MME: variants seen among roughly 807,000 people sequenced by gnomAD.
MME encodes neprilysin.
A neutral mutation model predicts 113.2 loss-of-function variants in MME; 98 were observed. The observed-to-expected ratio is 0.87, with a 90% CI of 0.74 to 1.02. MME has a LOEUF of 1.02. MME is among the 50% of genes least tolerant of loss of function. MME has a pLI of 0.00. For synonymous variants in MME, 292 were observed against 300.6 expected (o/e 0.97, Z 0.30); for missense variants, 836 against 896.0 (o/e 0.93, Z 0.86).
At chr3:155,065,413 A>G (rs1239176293) in intron 1 of MME, among the ~76,000 whole-genome samples, 1 of 152,218 alleles carries the variant, frequency 6.6e-6, no homozygotes, top group Non-Finnish European at 1.5e-5. Flanking sequence ...AAATAAAATG[A>G]ATAAATTACC....
intron 14 of MME, among the ~76,000 whole-genome samples, chr3:155,145,264 C>T (rs1367120923): frequency 6.6e-6 from 1 of 152,052 alleles, no homozygotes; most frequent in African/African-American, 2.4e-5. Flanking sequence ...TTGGTAAAGC[C>T]AGTTGGATTG....
rs553630791 is a variant in MME at position 155,066,842 on chromosome 3, A to C, written c.-10-17316A>C. 1.6e-4 allele frequency among the ~76,000 whole-genome samples: 25 copies of C among 152,314 alleles called. No homozygotes were observed. The South Asian group carries it at 4.6e-3, about 28-fold the overall frequency. On this transcript the variant is annotated intron_variant, in intron 1 of 22. Coordinates refer to the MME transcript ENST00000492661. ...AGCTATTACTACAGAGATGTTACAC[A>C]AATATAATTTCCAAGATGAGACTTT...
At position 155,028,569 on chromosome 3, in the gene MME, G is replaced by A. The variant is rs140155070; in HGVS notation, c.-11+4245G>A. Among the ~76,000 whole-genome samples, 27 of 152,306 alleles carry A rather than the reference G, an allele frequency of 1.8e-4. No homozygotes were observed. In the East Asian group the frequency reaches 5.2e-3, roughly 29 times the overall value. On this transcript the variant is annotated intron_variant, in intron 1 of 22. Transcript: ENST00000492661. Reference sequence around the variant, plus strand: ...TTCAGAAGGCTAGCCACACTTTATAGATGGAGGAACAGATCATCAGAGCAA... The same window carrying A: ...TTCAGAAGGCTAGCCACACTTTATAAATGGAGGAACAGATCATCAGAGCAA...
intron 3 of MME, among the ~76,000 whole-genome samples, chr3:155,109,871 T>C (rs1718038595): frequency 6.6e-6 from 1 of 152,224 alleles, no homozygotes; most frequent in African/African-American, 2.4e-5. Context: ...AAAGATAGCT[T>C]AGGCAGGAAC....
chr3:155,101,074 T>C (rs1717162631), intron 3 of MME, among the ~76,000 whole-genome samples: 1 of 152,128 alleles, frequency 6.6e-6, no homozygotes, highest in South Asian at 2.1e-4. Flanking sequence ...TATAAGTGTG[T>C]GGAACCCCCC....
At chr3:155,179,231 G>A (rs1202227169) in intron 22 of MME, among the ~76,000 whole-genome samples, 4 of 152,152 alleles carry the variant, frequency 2.6e-5, no homozygotes, top group Non-Finnish European at 2.9e-5. Flanking sequence ...AGGTAGGTCA[G>A]CATAGTTTGA....
At chr3:155,109,356 C>T (rs2108236537) in intron 3 of MME, among the ~76,000 whole-genome samples, 1 of 152,148 alleles carries the variant, frequency 6.6e-6, no homozygotes. Flanking sequence ...TGGGTGGTGT[C>T]TGGGTAGGAG....
intron 8 of MME, among the ~76,000 whole-genome samples, chr3:155,122,144 G>C (rs1183681142): frequency 2.4e-4 from 34 of 144,114 alleles, no homozygotes; most frequent in Non-Finnish European, 4.3e-4. Context: ...GTTTAGTCTT[G>C]GGAGAGTGTA....
intron 1 of MME, among the ~76,000 whole-genome samples, chr3:155,053,478 A>G (rs1713825704): frequency 6.6e-6 from 1 of 152,178 alleles, no homozygotes; most frequent in Admixed American, 6.5e-5. Context: ...TTATAAAACC[A>G]TCAGATCTCT....
At chr3:155,170,452 C>A (rs1267427421) in intron 20 of MME, among the ~76,000 whole-genome samples, 1 of 152,050 alleles carries the variant, frequency 6.6e-6, no homozygotes, top group African/African-American at 2.4e-5. Context: ...CTTTTTGGGT[C>A]TTCCTTTTGT....
At chr3:155,117,737 C>A (rs1718747979) in intron 7 of MME, among the ~76,000 whole-genome samples, 1 of 151,928 alleles carries the variant, frequency 6.6e-6, no homozygotes, top group Admixed American at 6.6e-5. Context: ...GAATTGAACC[C>A]AAATCTCCTG....
intron 14 of MME, 144 bp downstream of exon 14, chr3:155,144,601 T>C (rs6797911): frequency 3.2e-6 from 2 of 632,390 alleles, no homozygotes; most frequent in East Asian, 2.8e-5. Flanking sequence ...CCAGAAAGAG[T>C]TTTTGTGGAT....
At chr3:155,138,751 A>G (rs769092731) in intron 9 of MME, among the ~76,000 whole-genome samples, 60 of 152,268 alleles carry the variant, frequency 3.9e-4, no homozygotes, top group Non-Finnish European at 6.8e-4. Context: ...ATAATTTTGC[A>G]ACAAAGCCCA....
At chr3:155,176,402 A>C (rs1712522323) in intron 22 of MME, among the ~76,000 whole-genome samples, 1 of 152,244 alleles carries the variant, frequency 6.6e-6, no homozygotes, top group Non-Finnish European at 1.5e-5. Context: ...GTTATTAGAA[A>C]CACAAGCACA....
intron 1 of MME, among the ~76,000 whole-genome samples, chr3:155,053,246 A>G (rs1030042924): frequency 1.3e-5 from 2 of 151,466 alleles, no homozygotes; most frequent in Admixed American, 6.6e-5. Flanking sequence ...TCACAGCAGC[A>G]CCCATTCTCT....
intron 22 of MME, among the ~76,000 whole-genome samples, chr3:155,177,378 G>T (rs757666478): frequency 1.3e-5 from 2 of 152,316 alleles, no homozygotes; most frequent in South Asian, 4.1e-4. Flanking sequence ...TGGGAAGAAG[G>T]TTGCATTAAT....
intron 16 of MME, among the ~76,000 whole-genome samples, chr3:155,156,325 A>C (rs1722304910): frequency 6.6e-6 from 1 of 152,158 alleles, no homozygotes; most frequent in African/African-American, 2.4e-5. Context: ...AACATAACTT[A>C]GGTGCTCATT....
chr3:155,099,533 A>G (rs61763215), intron 3 of MME, among the ~76,000 whole-genome samples: 2 of 152,234 alleles, frequency 1.3e-5, no homozygotes, highest in African/African-American at 2.4e-5. Flanking sequence ...GCAGGTACCC[A>G]ATAGCCAGCA....
Position 155,160,472 on chromosome 3 carries a change from A to G in MME, c.1660+24A>G, listed in dbSNP as rs772597405. 7.4e-6 allele frequency: 11 copies of G among 1,492,850 alleles called. No homozygotes were observed. In the South Asian group the frequency reaches 7.9e-5, roughly 11 times the overall value. 92.5% of individuals were successfully genotyped at this position (1,492,850 alleles called of 1,614,324 possible). ...AGGTAAGGTGTATTCTTAAATAATTATTTAATATTTCTCTATCGTTCCCAA... is the reference window on the plus strand; with the variant it reads ...AGGTAAGGTGTATTCTTAAATAATTGTTTAATATTTCTCTATCGTTCCCAA... On this transcript the variant is annotated intron_variant, in intron 17 of 22. Transcript: ENST00000360490.
Sources: gnomAD v4.1 joint callset for allele counts (sites outside exome capture counted in the v4.1 genomes callset) on GRCh38, gnomAD v4.1.1 for gene constraint, MANE v1.5 for transcripts, NCBI Gene and HGNC (gene_info 2026-07-23, HGNC 2026-07-21) for gene names.